Variants in COPG2 observed in about 807,000 individuals in gnomAD.
COPG2 encodes the protein coat protein complex I subunit gamma 2, also known as coatomer subunit gamma-2.
A neutral mutation model predicts 46.3 loss-of-function variants in COPG2; 37 were observed. The ratio of observed to expected loss-of-function variants is 0.80; its 90% CI spans 0.61 to 1.05. The LOEUF is 1.05. COPG2 is among the 50% of genes least tolerant of loss of function. COPG2 has a pLI of 0.00. For missense variants in COPG2, 427 were observed against 387.8 expected (o/e 1.10, Z -0.85); for synonymous variants, 159 against 129.7 (o/e 1.23, Z -1.53).
intron 6 of COPG2, among the ~76,000 whole-genome samples, chr7:130,614,000 T>G (rs1794902963): frequency 6.6e-6 from 1 of 152,226 alleles, no homozygotes; most frequent in African/African-American, 2.4e-5. Context: ...TTTGAAGTTA[T>G]GAAGATTCCT....
chr7:130,631,259 C>T (rs1053889830), intron 5 of COPG2, among the ~76,000 whole-genome samples: 1 of 151,268 alleles, frequency 6.6e-6, no homozygotes, highest in African/African-American at 2.4e-5. Flanking sequence ...GCAACCTCCG[C>T]CTCCCAGGTT....
At chr7:130,588,695 T>G (rs1554448421) in intron 9 of COPG2, among the ~76,000 whole-genome samples, 3 of 152,074 alleles carry the variant, frequency 2.0e-5, no homozygotes, top group Non-Finnish European at 1.5e-5. Flanking sequence ...TATCTAATGC[T>G]AAATGACAAG....
At chr7:130,616,203 T>A (rs1256671290) in intron 6 of COPG2, among the ~76,000 whole-genome samples, 3 of 152,164 alleles carry the variant, frequency 2.0e-5, no homozygotes, top group African/African-American at 7.2e-5. Flanking sequence ...AGATATATAT[T>A]TTTTTCCAAG....
chr7:130,614,534 CAGAA>C (rs1489480527), intron 6 of COPG2, among the ~76,000 whole-genome samples: 1 of 152,120 alleles, frequency 6.6e-6, no homozygotes, highest in Non-Finnish European at 1.5e-5. Context: ...TCAGAGTTCC[CAGAA>C]AGAGACAGCC....
At chr7:130,593,513 A>C (rs949119598) in intron 9 of COPG2, among the ~76,000 whole-genome samples, 1 of 152,218 alleles carries the variant, frequency 6.6e-6, no homozygotes, top group Admixed American at 6.5e-5. Flanking sequence ...TCTAGCATAC[A>C]TCTACACTAA....
chr7:130,607,780 A>C (rs1554451481), intron 9 of COPG2: 1 of 520,112 alleles, frequency 1.9e-6, no homozygotes, highest in Non-Finnish European at 3.8e-6. Context: ...CTGTCCAGAA[A>C]TACTGTAGCT....
rs782216104 is a variant in COPG2, at chr7:130,613,534, G to T, written c.492+10C>A. The T allele has an allele frequency of 3.2e-5, 50 of 1,538,660 alleles. No individual in the cohort carries two copies. The highest frequency in any genetic ancestry group is 4.4e-5 in the Non-Finnish European group (49 of 1,121,060). On this transcript the variant is annotated intron_variant, in intron 7 of 23. Transcript: ENST00000425248. The stretch of plus-strand genomic sequence containing the variant: ...ATGCTTAAGAACTAGGAAGCTGCTT[G>T]TTCACTTACCAGGGAAGATACCAGT...
intron 6 of COPG2, among the ~76,000 whole-genome samples, chr7:130,615,677 A>ATT (rs1194889776): frequency 6.6e-6 from 1 of 152,190 alleles, no homozygotes; most frequent in Non-Finnish European, 1.5e-5. Context: ...GAGATTGGAG[A>ATT]TTGCTTTCTT....
At chr7:130,511,712 A>G (rs781934571) in intron 20 of COPG2, 1 of 515,038 alleles carries the variant, frequency 1.9e-6, no homozygotes, top group South Asian at 1.4e-5. Flanking sequence ...GGAAGGGCCT[A>G]CTGGCAGAGC....
intron 23 of COPG2, 103 bp from the exon 24 acceptor site, chr7:130,506,909 T>G (rs1799503587): frequency 1.6e-6 from 1 of 628,930 alleles, no homozygotes; most frequent in South Asian, 2.1e-5. Context: ...TTAGTTTAGT[T>G]TAGCTTTTCC....
At position 130,637,174 on chromosome 7, in the gene COPG2, C is replaced by T. The variant is rs183416161; in HGVS notation, c.323+15695G>A. Among the ~76,000 whole-genome samples, 23 of 152,262 alleles carry T rather than the reference C, an allele frequency of 1.5e-4. No homozygotes were observed. In the East Asian group the frequency reaches 3.7e-3, roughly 24 times the overall value. ...CTTAACATTTTTTCCTTCATTTCAA[C>T]GTTGGTGAATCTGACAATTATGTGT... On this transcript the variant is annotated intron_variant, in intron 5 of 23. Coordinates refer to ENST00000425248, the MANE Select transcript of COPG2 (RefSeq NM_012133.6).
chr7:130,649,072 C>T (rs1190462868), intron 5 of COPG2, among the ~76,000 whole-genome samples: 1 of 152,184 alleles, frequency 6.6e-6, no homozygotes, highest in Non-Finnish European at 1.5e-5. Flanking sequence ...AGACAAGAGG[C>T]TCCTCCACAG....
At chr7:130,565,682 T>C (rs1793790849) in intron 9 of COPG2, among the ~76,000 whole-genome samples, 1 of 152,156 alleles carries the variant, frequency 6.6e-6, no homozygotes, top group African/African-American at 2.4e-5. Context: ...CTAAAATATT[T>C]AATTTAAAGG....
intron 3 of COPG2, among the ~76,000 whole-genome samples, chr7:130,665,337 T>C (rs563612995): frequency 9.7e-4 from 148 of 152,334 alleles, no homozygotes; most frequent in African/African-American, 3.2e-3. Flanking sequence ...CTTAGCACCA[T>C]ATGTAAACCA....
chr7:130,610,289 A>G (rs563080791), intron 9 of COPG2, among the ~76,000 whole-genome samples: 1 of 152,364 alleles, frequency 6.6e-6, no homozygotes, highest in Admixed American at 6.5e-5. Context: ...TGCTGTTTAC[A>G]AATGATCTGA....
intron 5 of COPG2, among the ~76,000 whole-genome samples, chr7:130,651,935 C>A (rs979203909): frequency 6.6e-6 from 1 of 152,184 alleles, no homozygotes; most frequent in African/African-American, 2.4e-5. Flanking sequence ...CAGGCATGAG[C>A]CACCATGTCT....
intron 7 of COPG2, among the ~76,000 whole-genome samples, chr7:130,612,517 G>A (rs1399549592): frequency 6.6e-6 from 1 of 152,144 alleles, no homozygotes; most frequent in African/African-American, 2.4e-5. Context: ...ACAGTCAACA[G>A]AACGGTGCTT....
At chr7:130,587,046 C>A (rs1164108260) in intron 9 of COPG2, among the ~76,000 whole-genome samples, 3 of 151,852 alleles carry the variant, frequency 2.0e-5, no homozygotes, top group African/African-American at 7.2e-5. Context: ...GTGGCTCACG[C>A]TTGTAATCCT....
At chr7:130,601,875 GA>G (rs1187130949) in intron 9 of COPG2, among the ~76,000 whole-genome samples, 2 of 142,722 alleles carry the variant, frequency 1.4e-5, no homozygotes, top group African/African-American at 5.1e-5. Context: ...AAGAAGGAAG[GA>G]AGGAAGCAAA....
Sources: allele counts gnomAD v4.1 joint callset (sites outside exome capture counted in the v4.1 genomes callset), GRCh38; gene constraint gnomAD v4.1.1; transcripts MANE v1.5; gene names NCBI Gene and HGNC (gene_info 2026-07-23, HGNC 2026-07-21).